NYAP2: variants seen among roughly 807,000 people sequenced by gnomAD.
NYAP2 encodes neuronal tyrosine-phosphorylated phosphoinositide-3-kinase adapter 2.
In NYAP2, 23 loss-of-function variants were observed where a neutral mutation model predicts 50.4. The ratio of observed to expected loss-of-function variants is 0.46; its 90% CI spans 0.33 to 0.65. The LOEUF (loss-of-function observed/expected upper bound fraction) is 0.65, where lower values mean the gene tolerates loss of function less well. Ranked by LOEUF, NYAP2 falls within the 30% of genes least tolerant of loss-of-function variation. NYAP2 has a pLI of 0.02. For missense variants in NYAP2, 885 were observed against 861.0 expected (o/e 1.03, Z -0.35); for synonymous variants, 394 against 365.2 (o/e 1.08, Z -0.90).
chr2:225,582,348 G>A lies in NYAP2; in HGVS notation c.931G>A (p.Val311Met). The change falls in exon 5 of 7, where the codon GTG (valine) becomes ATG (methionine). Residue 311 changes from valine (V) to methionine (M), a missense_variant. Val to Met is a conservative substitution (Grantham distance 21). Coordinates refer to ENST00000636099, the Ensembl canonical transcript of NYAP2. The surrounding 1 kb of genome is among the most constrained non-coding windows in gnomAD (Gnocchi z 7.0). ...TGACTTGGACTTCGCCAAGGCCTCA[G>A]TGCCATGCCCCCCCAAGGGGCTGCT... 1 of 1,613,738 alleles carries A rather than the reference G, an allele frequency of 6.2e-7. No individual in the cohort carries two copies. The highest frequency in any genetic ancestry group is 1.1e-5 in the South Asian group (1 of 91,082).
chr2:225,481,563 A>C (rs565845860), intron 3 of NYAP2, among the ~76,000 whole-genome samples: 2 of 152,286 alleles, frequency 1.3e-5, no homozygotes, highest in South Asian at 4.1e-4. Context: ...GGGACCGGTT[A>C]CTAATTTATT....
intron 3 of NYAP2, among the ~76,000 whole-genome samples, chr2:225,487,712 C>T (rs2106168889): frequency 6.6e-6 from 1 of 152,240 alleles, no homozygotes; most frequent in East Asian, 1.9e-4. Flanking sequence ...CTTTGCTAGA[C>T]CAGCTTTATC....
chr2:225,597,576 C>A (rs190634537), intron 5 of NYAP2, among the ~76,000 whole-genome samples: 92 of 118,706 alleles, frequency 7.8e-4, no homozygotes, highest in Non-Finnish European at 1.3e-3. Context: ...GACATTTGGG[C>A]CGGTTCCATA....
At chr2:225,692,626 T>C in the NYAP2 span, among the ~76,000 whole-genome samples, 2 of 152,068 alleles carry the variant, frequency 1.3e-5, no homozygotes, top group African/African-American at 4.8e-5. Flanking sequence ...ATAAAATGTA[T>C]ATGTGAAGCA....
rs531915918 is a variant in NYAP2, at chr2:225,474,524, A to C, written c.222-38847A>C. ...GTAGTTCACCTTGTAGAGGTCCTTC[A>C]CATCCCTTGTAAGTTGGATTCCTAG... On this transcript the variant is annotated intron_variant, in intron 3 of 6. Coordinates refer to ENST00000636099, the Ensembl canonical transcript of NYAP2. Among the ~76,000 whole-genome samples, 18 of 152,288 alleles carry C rather than the reference A, an allele frequency of 1.2e-4. No homozygotes were observed. The Middle Eastern group carries it at 0.01, about 86-fold the overall frequency.
At position 225,444,979 on chromosome 2, in the gene NYAP2, C is replaced by T. The variant is rs145906400; in HGVS notation, c.221+35878C>T. Among the ~76,000 whole-genome samples the T allele has an allele frequency of 2.5e-3, 378 of 152,176 alleles. 1 individual carries two copies. The highest frequency in any genetic ancestry group is 8.6e-3 in the African/African-American group (359 of 41,518). On this transcript the variant is annotated intron_variant, in intron 3 of 6. Coordinates refer to ENST00000636099, the Ensembl canonical transcript of NYAP2. ...AAGATTTGGAATGAAAAAACTATTC[C>T]GTATTCTCTGTTACTGACTTGGCTA...
chr2:225,499,515 A>G (rs759244564), intron 3 of NYAP2, among the ~76,000 whole-genome samples: 40 of 151,794 alleles, frequency 2.6e-4, no homozygotes, highest in Admixed American at 9.8e-4. Flanking sequence ...ACGGGGTTTC[A>G]TAGTGTTAGC....
chr2:225,619,732 G>A (rs1693056163), intron 5 of NYAP2, among the ~76,000 whole-genome samples: 1 of 152,160 alleles, frequency 6.6e-6, no homozygotes, highest in Non-Finnish European at 1.5e-5. Flanking sequence ...AGGTGTGATG[G>A]ATTAGAATCC....
At chr2:225,686,597 TG>T in the NYAP2 span, among the ~76,000 whole-genome samples, 1 of 152,316 alleles carries the variant, frequency 6.6e-6, no homozygotes, top group East Asian at 1.9e-4. Flanking sequence ...TGAAATGATC[TG>T]CAGTGTGGCT....
downstream of NYAP2, among the ~76,000 whole-genome samples, chr2:225,655,887 C>CACACACACACACAA (rs1693813397): frequency 1.5e-5 from 1 of 66,314 alleles, no homozygotes; most frequent in Non-Finnish European, 3.1e-5. Context: ...ACCTCCACTA[C>CACACACACACACAA]ACACACACAC....
chr2:225,594,948 T>C lies in NYAP2; in HGVS notation c.1618+11913T>C, dbSNP rs34354552. ...GAATCTAAGAGGGAAGTAAGGAGTA[T>C]TAGTTACATGGATTGTAAAGCAGCG... is the stretch of plus-strand genomic sequence containing the variant. On this transcript the variant is annotated intron_variant, in intron 5 of 6. Transcript: ENST00000636099. Among the ~76,000 whole-genome samples the C allele has an allele frequency of 6.3e-3, 957 of 152,290 alleles. 6 individuals carry two copies. The highest frequency in any genetic ancestry group is 9.3e-3 in the Non-Finnish European group (634 of 68,028).
At chr2:225,580,605 A>T (rs1247905769) in intron 4 of NYAP2, among the ~76,000 whole-genome samples, 1 of 152,206 alleles carries the variant, frequency 6.6e-6, no homozygotes, top group East Asian at 1.9e-4. Context: ...AACAGGGGTG[A>T]TCTAGAAAGG....
chr2:225,601,252 C>T (rs964192015), intron 5 of NYAP2, among the ~76,000 whole-genome samples: 17 of 151,808 alleles, frequency 1.1e-4, no homozygotes, highest in African/African-American at 4.1e-4. Context: ...TCCTGAGTAG[C>T]TGGGACTACA....
intron 6 of NYAP2, among the ~76,000 whole-genome samples, chr2:225,628,218 T>C (rs1693243406): frequency 6.6e-6 from 1 of 152,072 alleles, no homozygotes. Context: ...ACTATATAAA[T>C]TTAATAAAAA....
chr2:225,626,710 G>T (rs1203781884), intron 5 of NYAP2, among the ~76,000 whole-genome samples: 2 of 152,102 alleles, frequency 1.3e-5, no homozygotes. Context: ...AAAGAAAATT[G>T]TATTTCCCAG....
rs987581276 is a variant in NYAP2 at position 225,627,732 on chromosome 2, G to A, written c.1828+606G>A. The stretch of plus-strand genomic sequence containing the variant: ...ACAAGTTAAAATTAAAATCTGCAAT[G>A]CAATTTTACATGGTTAATAGGTAGG... On this transcript the variant is annotated intron_variant, in intron 6 of 6. Coordinates refer to ENST00000636099, the Ensembl canonical transcript of NYAP2. 2.2e-4 allele frequency among the ~76,000 whole-genome samples: 34 copies of A among 152,242 alleles called. 1 individual carries two copies. Among genetic ancestry groups the A allele is most frequent in the South Asian group, 1.7e-3 (8 of 4,816 alleles).
chr2:225,662,918 C>G, the NYAP2 span, among the ~76,000 whole-genome samples: 2 of 152,116 alleles, frequency 1.3e-5, no homozygotes, highest in African/African-American at 4.8e-5. Context: ...CACTCATATC[C>G]GACGATCGCA....
At chr2:225,613,974 C>G (rs562968188) in intron 5 of NYAP2, among the ~76,000 whole-genome samples, 64 of 152,212 alleles carry the variant, frequency 4.2e-4, no homozygotes, top group African/African-American at 1.5e-3. Flanking sequence ...GCCTCATGAA[C>G]TGTTTTGTTT....
At chr2:225,583,141 C>T in intron 5 of NYAP2, 106 bp downstream of exon 5, 1 of 1,319,116 alleles carries the variant, frequency 7.6e-7, no homozygotes, top group East Asian at 2.5e-5. Flanking sequence ...GTCTTGAGGC[C>T]TTGGAGTTGA....
Sources: allele counts gnomAD v4.1 joint callset (sites outside exome capture counted in the v4.1 genomes callset), GRCh38; gene constraint gnomAD v4.1.1; non-coding constraint Gnocchi (gnomAD v3.1); transcripts MANE v1.5; gene names NCBI Gene and HGNC (gene_info 2026-07-23, HGNC 2026-07-21).